GAS7: variants seen among roughly 807,000 people sequenced by gnomAD.
The protein encoded by GAS7 is growth arrest specific 7.
A neutral mutation model predicts 71.1 loss-of-function variants in GAS7; 28 were observed. That is an observed-to-expected ratio of 0.39 (90% CI 0.29 to 0.54). The LOEUF (loss-of-function observed/expected upper bound fraction) is 0.54, where lower values mean the gene tolerates loss of function less well. Among genes scored for constraint, GAS7 ranks in the 20% least tolerant of loss-of-function variants. The probability of loss-of-function intolerance (pLI) is 0.62; values close to 1 mark genes in which losing one functional copy is unlikely to be tolerated. For missense variants in GAS7, 436 were observed against 627.8 expected (o/e 0.69, Z 3.27); for synonymous variants, 258 against 245.8 (o/e 1.05, Z -0.46).
chr17:9,971,852 T>C (rs972338689), intron 3 of GAS7, among the ~76,000 whole-genome samples: 1 of 152,070 alleles, frequency 6.6e-6, no homozygotes. Flanking sequence ...ACCTACTCAT[T>C]TGGAGCGACG....
chr17:10,137,542 CTTT>C (rs71139019), intron 1 of GAS7, among the ~76,000 whole-genome samples: 11 of 144,554 alleles, frequency 7.6e-5, no homozygotes, highest in Non-Finnish European at 1.2e-4. Context: ...GAAGTTTTCT[CTTT>C]TTTTTTTTTT....
intron 1 of GAS7, among the ~76,000 whole-genome samples, chr17:10,187,793 T>G (rs1412533819): frequency 6.6e-6 from 1 of 152,184 alleles, no homozygotes; most frequent in Non-Finnish European, 1.5e-5. Context: ...CCAGCATGTA[T>G]TCCTTCTACC....
intron 1 of GAS7, among the ~76,000 whole-genome samples, chr17:10,087,270 C>T (rs949914642): frequency 2.6e-5 from 4 of 152,218 alleles, no homozygotes; most frequent in Non-Finnish European, 5.9e-5. Flanking sequence ...TAGCCCTCCC[C>T]ACAATGACCA....
intron 1 of GAS7, among the ~76,000 whole-genome samples, chr17:10,068,636 C>A (rs557913003): frequency 6.6e-6 from 1 of 151,586 alleles, no homozygotes; most frequent in Non-Finnish European, 1.5e-5. Context: ...TGGTGGCACA[C>A]GCCTACAGTT....
At chr17:10,007,817 G>A (rs1296889574) in intron 2 of GAS7, among the ~76,000 whole-genome samples, 1 of 151,758 alleles carries the variant, frequency 6.6e-6, no homozygotes, top group African/African-American at 2.4e-5. Flanking sequence ...TGTATAACCT[G>A]CACCACTACC....
chr17:10,092,870 T>G (rs929609302), intron 1 of GAS7, among the ~76,000 whole-genome samples: 1 of 152,116 alleles, frequency 6.6e-6, no homozygotes, highest in African/African-American at 2.4e-5. Context: ...GTTGGCAAAA[T>G]CTCCCTCTCT....
intron 1 of GAS7, among the ~76,000 whole-genome samples, chr17:10,120,647 G>A (rs1005055340): frequency 2.6e-5 from 4 of 152,210 alleles, no homozygotes; most frequent in Non-Finnish European, 4.4e-5. Flanking sequence ...GGGAGGCGGA[G>A]GTTGCAGTGA....
chr17:10,183,583 T>C (rs2074431689), intron 1 of GAS7, among the ~76,000 whole-genome samples: 2 of 152,202 alleles, frequency 1.3e-5, no homozygotes, highest in Non-Finnish European at 2.9e-5. Flanking sequence ...CTCACGCCTG[T>C]AATCCCAGCA....
chr17:10,122,924 G>A (rs532502575), intron 1 of GAS7, among the ~76,000 whole-genome samples: 1 of 152,194 alleles, frequency 6.6e-6, no homozygotes, highest in South Asian at 2.1e-4. Flanking sequence ...TCAACCTCCT[G>A]GGCTCTGAGC....
At chr17:10,024,776 G>C (rs919330220) in intron 1 of GAS7, among the ~76,000 whole-genome samples, 2 of 152,038 alleles carry the variant, frequency 1.3e-5, no homozygotes, top group African/African-American at 2.4e-5. Flanking sequence ...TGGATCTTCT[G>C]TCCCCTAAAA....
chr17:10,069,263 T>TG (rs1228969339), intron 1 of GAS7, among the ~76,000 whole-genome samples: 1 of 152,192 alleles, frequency 6.6e-6, no homozygotes, highest in African/African-American at 2.4e-5. Context: ...AATGGTTACT[T>TG]GAAGGGATTT....
rs1164151104 is a variant in GAS7 at position 10,167,044 on chromosome 17, CTTT to C, written c.183+31161_183+31163del. ...AAACCAATCTACTATTTCCATTTGT[CTTT>C]TTTTTTTTTTTTTTTTTTTTTTTTT... On this transcript the variant is annotated intron_variant, in intron 1 of 13. Transcript: ENST00000432992. Among the ~76,000 whole-genome samples, 1,463 of 58,816 alleles carry C rather than the reference CTTT, an allele frequency of 0.025. 180 individuals carry two copies. In the East Asian group the frequency reaches 0.37, roughly 15 times the overall value. 38.6% of individuals were successfully genotyped at this position (58,816 alleles called of 152,430 possible).
At chr17:9,939,416 G>C (rs928836974) in intron 8 of GAS7, among the ~76,000 whole-genome samples, 1 of 152,136 alleles carries the variant, frequency 6.6e-6, no homozygotes, top group Non-Finnish European at 1.5e-5. Flanking sequence ...ACAGGAGAGA[G>C]CTCCAGACAA....
chr17:9,930,931 T>C (rs1347522877), intron 9 of GAS7, among the ~76,000 whole-genome samples: 1 of 152,204 alleles, frequency 6.6e-6, no homozygotes, highest in Admixed American at 6.5e-5. Context: ...CGGGTCTTCA[T>C]GAGCTTCCTG....
intron 1 of GAS7, among the ~76,000 whole-genome samples, chr17:10,132,113 G>A (rs1413202175): frequency 6.6e-6 from 1 of 152,184 alleles, no homozygotes; most frequent in African/African-American, 2.4e-5. Flanking sequence ...CTCAATGATT[G>A]CATGAGTACT....
intron 5 of GAS7, among the ~76,000 whole-genome samples, chr17:9,955,303 G>A (rs2069186004): frequency 6.6e-6 from 1 of 152,174 alleles, no homozygotes; most frequent in African/African-American, 2.4e-5. Context: ...TTAATACCAG[G>A]GTCCAGCTAC....
At chr17:10,117,126 C>T (rs753151364) in intron 1 of GAS7, among the ~76,000 whole-genome samples, 2 of 152,126 alleles carry the variant, frequency 1.3e-5, no homozygotes, top group African/African-American at 2.4e-5. Context: ...CTCCTGGAGG[C>T]TCTAGGAGAG....
chr17:9,916,889 G>C lies in GAS7; in HGVS notation c.*339C>G, dbSNP rs2067599069. On this transcript the variant is annotated 3_prime_UTR_variant, in exon 14 of 14. Coordinates refer to ENST00000432992, the MANE Select transcript of GAS7 (RefSeq NM_201433.2). ...AGCCAGCTGGAGGAAGAGCCTTGGG[G>C]CTTCCAGGGCACAAGCATGTGACAG... The C allele has an allele frequency of 2.2e-6, 1 of 465,012 alleles. No individual in the cohort carries two copies. 28.8% of individuals were successfully genotyped at this position (465,012 alleles called of 1,614,324 possible).
Position 10,042,052 on chromosome 17 carries a change from G to A in GAS7, c.184-22155C>T, listed in dbSNP as rs537301738. 1.2e-4 allele frequency among the ~76,000 whole-genome samples: 18 copies of A among 152,218 alleles called. No homozygotes were observed. The South Asian group carries it at 3.5e-3, about 30-fold the overall frequency. ...TGGCTCATGCCTGTAATCCTAGCAC[G>A]TTGGGAAGCCAAGACGGGCAGATCA... On this transcript the variant is annotated intron_variant, in intron 1 of 13. Transcript: ENST00000432992.
Sources: gnomAD v4.1 joint callset for allele counts (sites outside exome capture counted in the v4.1 genomes callset) on GRCh38, gnomAD v4.1.1 for gene constraint, MANE v1.5 for transcripts, NCBI Gene and HGNC (gene_info 2026-07-23, HGNC 2026-07-21) for gene names.